The following ALLC variants were observed in gnomAD, a reference collection of about 807,000 sequenced individuals.
The protein encoded by ALLC is allantoicase, also known as probable inactive allantoicase.
A neutral mutation model predicts 45.0 loss-of-function variants in ALLC; 40 were observed. The ratio of observed to expected loss-of-function variants is 0.89; its 90% confidence interval spans 0.69 to 1.16. The LOEUF (loss-of-function observed/expected upper bound fraction) is 1.16. Ranked by LOEUF, ALLC falls within the 50% of genes most tolerant of loss-of-function variation. The pLI is 0.00. For synonymous variants in ALLC, 176 were observed against 178.1 expected (o/e 0.99, Z 0.09); for missense variants, 488 against 493.1 (o/e 0.99, Z 0.10).
Position 3,702,345 on chromosome 2 carries a change from C to A in ALLC, c.976-18C>A. ...TCCTGTTAACAGACTAGGACCTCTG[C>A]ATCTGCTTGCTTTTCAGTTGTCTCC... On this transcript the variant is annotated intron_variant, in intron 11 of 11. Transcript: ENST00000252505. 6.2e-7 allele frequency: 1 copy of A among 1,610,614 alleles called. No homozygotes were observed. The highest frequency in any genetic ancestry group is 8.5e-7 in the Non-Finnish European group (1 of 1,178,446).
At position 3,680,107 on chromosome 2, in the gene ALLC, C is replaced by G. The variant is rs1667137342; in HGVS notation, c.298+113C>G. 4.1e-6 allele frequency: 6 copies of G among 1,448,968 alleles called. No homozygotes were observed. Among genetic ancestry groups the G allele is most frequent in the Non-Finnish European group, 5.7e-6 (6 of 1,053,050 alleles). The allele number at this position is 1,448,968 out of a possible 1,614,324, so 89.8% of individuals were successfully genotyped here. On this transcript the variant is annotated intron_variant, in intron 5 of 11. Transcript: ENST00000252505. The surrounding 1 kb of genome is among the most constrained non-coding windows in gnomAD (Gnocchi z 4.0). ...CCTACCACCCAGACAGCTTCAGGCG[C>G]TTGACTAAGGCTACTTTACTGTAAC... is the stretch of plus-strand genomic sequence containing the variant.
At chr2:3,652,259 T>C in the ALLC span, among the ~76,000 whole-genome samples, 4 of 152,252 alleles carry the variant, frequency 2.6e-5, no homozygotes. Context: ...GCGGCTGTGC[T>C]GCTGTGTTTG....
chr2:3,672,725 AGTCCTCTGGCTCTGGTTAGATAGGAG>A (rs1558537707), intron 2 of ALLC, among the ~76,000 whole-genome samples: 9 of 70,238 alleles, frequency 1.3e-4, no homozygotes, highest in East Asian at 9.2e-4. Flanking sequence ...TTAGATCGGA[AGTCCTCTGGCTCTGGTTAGATAGGAG>A]GTCCTCTGGC....
At chr2:3,656,298 A>C (rs564544218), upstream of ALLC, among the ~76,000 whole-genome samples, 2 of 152,256 alleles carry the variant, frequency 1.3e-5, no homozygotes, top group South Asian at 4.1e-4. Flanking sequence ...GCCCCTACGG[A>C]GCTCCGAGAA....
upstream of ALLC, among the ~76,000 whole-genome samples, chr2:3,656,432 G>GTGCA (rs1221472839): frequency 6.6e-6 from 1 of 152,264 alleles, no homozygotes; most frequent in Non-Finnish European, 1.5e-5. Flanking sequence ...TTCTGTAGCT[G>GTGCA]TGCAGCCCAG....
intron 9 of ALLC, among the ~76,000 whole-genome samples, chr2:3,697,107 T>A (rs937740074): frequency 1.3e-4 from 20 of 152,122 alleles, no homozygotes; most frequent in African/African-American, 4.8e-4. Context: ...ATAATTGACA[T>A]AGAAATTTAG....
At chr2:3,685,327 A>C (rs1241447153) in intron 7 of ALLC, among the ~76,000 whole-genome samples, 1 of 148,326 alleles carries the variant, frequency 6.7e-6, no homozygotes, top group East Asian at 2.0e-4. Context: ...AAAGAGGTTT[A>C]ATTAACTCAC....
chr2:3,651,612 C>T, the ALLC span, among the ~76,000 whole-genome samples: 2 of 151,820 alleles, frequency 1.3e-5, no homozygotes, highest in African/African-American at 4.8e-5. Context: ...CCACGTAGAC[C>T]TGACGACCGA....
At chr2:3,651,488 C>G in the ALLC span, among the ~76,000 whole-genome samples, 1 of 148,610 alleles carries the variant, frequency 6.7e-6, no homozygotes, top group South Asian at 2.2e-4. Flanking sequence ...AAAGAGCAGG[C>G]GGGAGCAGGA....
the ALLC span, among the ~76,000 whole-genome samples, chr2:3,649,689 G>T: frequency 7.2e-5 from 11 of 152,268 alleles, no homozygotes. Context: ...CAGGGTGCAG[G>T]GTGGGCTCCA....
chr2:3,685,717 C>T (rs1019144407), intron 7 of ALLC, among the ~76,000 whole-genome samples: 4 of 150,844 alleles, frequency 2.7e-5, no homozygotes, highest in Non-Finnish European at 5.9e-5. Flanking sequence ...TTTTGAGTTG[C>T]ATTTTTCTGA....
In ALLC at chr2:3,683,052, T is replaced by C; in HGVS notation, c.489T>C (p.His163=). The change falls in exon 7 of 12, where the codon CAT becomes CAC. Residue 163 remains histidine, a synonymous_variant. Transcript: ENST00000252505. ...FLVNSQQRWT[H]IRLNIFPDGG... ...TCAATTCCCAGCAGAGATGGACTCA[T>C]ATCAGACTCAACATTTTCCCAGGTA... 6.2e-7 allele frequency: 1 copy of C among 1,613,814 alleles called. No individual in the cohort carries two copies. Among genetic ancestry groups the C allele is most frequent in the Non-Finnish European group, 8.5e-7 (1 of 1,179,852 alleles).
intron 5 of ALLC, 64 bp from the exon 6 acceptor site, chr2:3,681,570 A>G: frequency 1.7e-6 from 2 of 1,191,072 alleles, no homozygotes; most frequent in Non-Finnish European, 1.2e-6. Context: ...CAAACCACCA[A>G]GAGAGTAGAT....
rs146521098 is a variant in ALLC, at chr2:3,671,133, C to G, written c.-25C>G. On this transcript the variant is annotated 5_prime_UTR_variant, in exon 2 of 12. Transcript: ENST00000252505. The stretch of plus-strand genomic sequence containing the variant: ...ATGCTCCGAAGGAGGGAAGACTGAC[C>G]CGGTTTCTGGACTTCACCCAGCTGA... 1 of 1,608,646 alleles carries G rather than the reference C, an allele frequency of 6.2e-7. No homozygotes were observed. The highest frequency in any genetic ancestry group is 1.3e-5 in the African/African-American group (1 of 74,864).
chr2:3,664,592 A>T (rs1572505154), intron 1 of ALLC, among the ~76,000 whole-genome samples: 1 of 152,194 alleles, frequency 6.6e-6, no homozygotes, highest in East Asian at 1.9e-4. Context: ...CAATTAAGGC[A>T]GATGTTTCGG....
chr2:3,682,381 T>G (rs1667201838), intron 6 of ALLC, among the ~76,000 whole-genome samples: 1 of 152,230 alleles, frequency 6.6e-6, no homozygotes, highest in Non-Finnish European at 1.5e-5. Flanking sequence ...GTCCTTCATT[T>G]GCAAGCATCT....
intron 1 of ALLC, among the ~76,000 whole-genome samples, chr2:3,665,434 A>G (rs1462345316): frequency 1.3e-5 from 2 of 152,096 alleles, no homozygotes; most frequent in Non-Finnish European, 2.9e-5. Flanking sequence ...TAATCCCCAC[A>G]TGCATTAGCT....
At chr2:3,677,003 G>C (rs1667042078) in intron 3 of ALLC, among the ~76,000 whole-genome samples, 1 of 152,158 alleles carries the variant, frequency 6.6e-6, no homozygotes, top group Non-Finnish European at 1.5e-5. Flanking sequence ...GGCCAGGCTG[G>C]TCTCGAACTC....
At chr2:3,672,046 T>TAG (rs1666890913) in intron 2 of ALLC, among the ~76,000 whole-genome samples, 1 of 91,056 alleles carries the variant, frequency 1.1e-5, no homozygotes, top group Admixed American at 9.5e-5. Context: ...TAGTTAGACC[T>TAG]GTGGTCCTCT....
Sources: gnomAD v4.1 joint callset for allele counts (sites outside exome capture counted in the v4.1 genomes callset) on GRCh38, gnomAD v4.1.1 for gene constraint, Gnocchi (gnomAD v3.1) non-coding constraint, MANE v1.5 for transcripts, NCBI Gene and HGNC (gene_info 2026-07-23, HGNC 2026-07-21) for gene names.